The following MMP20 variants were observed in gnomAD, a reference collection of about 807,000 sequenced individuals.
MMP20 encodes the protein matrix metalloproteinase-20.
Under a neutral mutation model 51.8 loss-of-function variants are expected in MMP20, and 50 were observed. The observed-to-expected ratio is 0.97, with a 90% CI of 0.77 to 1.22. The LOEUF (loss-of-function observed/expected upper bound fraction) is 1.22. MMP20 is among the 50% of genes most tolerant of loss of function. The pLI is 0.00. For missense variants in MMP20, 663 were observed against 601.4 expected (o/e 1.10, Z -1.07); for synonymous variants, 244 against 216.2 (o/e 1.13, Z -1.13).
At chr11:102,612,994 C>G (rs1406991457) in intron 2 of MMP20, among the ~76,000 whole-genome samples, 2 of 152,122 alleles carry the variant, frequency 1.3e-5, no homozygotes, top group Non-Finnish European at 2.9e-5. Context: ...TCCTCAGCCT[C>G]CCAAAGTGCT....
At chr11:102,616,765 G>T (rs17099082) in intron 2 of MMP20, 47 bp downstream of exon 2, 44,904 of 1,608,082 alleles carry the variant, frequency 0.028, 726 homozygotes, top group Non-Finnish European at 0.031. Flanking sequence ...GGGAAAAAGA[G>T]AGAGGTGGTG....
At position 102,609,911 on chromosome 11, in the gene MMP20, T is replaced by C. The variant is rs371007401; in HGVS notation, c.643A>G (p.Thr215Ala). The change falls in exon 4 of 10, where the codon ACG (threonine) becomes GCG (alanine). Residue 215 changes from threonine to alanine, a missense_variant. Coordinates refer to ENST00000260228, the MANE Select transcript of MMP20 (RefSeq NM_004771.4). ...FDNAEKWTMG[T>A]NGFNLFTVAA... ...GTGAATTGTGCATATATACCATTCG[T>C]TCCCATAGTCCACTTCTCAGCATTG... 10 of 1,614,040 alleles carry C rather than the reference T, an allele frequency of 6.2e-6. No individual in the cohort carries two copies. The highest frequency in any genetic ancestry group is 8.5e-6 in the Non-Finnish European group (10 of 1,180,038).
chr11:102,586,879 T>C (rs1192674972), intron 8 of MMP20, among the ~76,000 whole-genome samples: 1 of 152,230 alleles, frequency 6.6e-6, no homozygotes, highest in Non-Finnish European at 1.5e-5. Context: ...CACCTTTGTT[T>C]ATTTTCTCAA....
intron 6 of MMP20, among the ~76,000 whole-genome samples, chr11:102,604,233 T>A (rs1231867936): frequency 6.6e-6 from 1 of 152,088 alleles, no homozygotes; most frequent in Non-Finnish European, 1.5e-5. Context: ...AGCCTGACAA[T>A]GATATCCCTT....
chr11:102,583,509 A>G (rs1019847616), intron 8 of MMP20: 3 of 152,194 alleles, frequency 2.0e-5, no homozygotes, highest in Admixed American at 6.5e-5. Flanking sequence ...ATCATGTTGT[A>G]TAGGTCTGTA....
intron 6 of MMP20, among the ~76,000 whole-genome samples, chr11:102,602,099 A>G (rs7932802): frequency 0.51 from 69,171 of 136,042 alleles, 17,886 homozygotes; most frequent in South Asian, 0.65. Context: ...ACAGGCGCCC[A>G]CCACCACGCC....
intron 9 of MMP20, among the ~76,000 whole-genome samples, chr11:102,578,092 A>T (rs1157264654): frequency 6.6e-6 from 1 of 152,178 alleles, no homozygotes; most frequent in Non-Finnish European, 1.5e-5. Context: ...CTATGTGTTA[A>T]ATTGCAGGAG....
At chr11:102,595,075 C>A (rs1045965969) in intron 6 of MMP20, among the ~76,000 whole-genome samples, 1 of 152,026 alleles carries the variant, frequency 6.6e-6, no homozygotes, top group Non-Finnish European at 1.5e-5. Flanking sequence ...CTGTGTGCCA[C>A]CATGCCTCAC....
chr11:102,586,490 C>T (rs1859255684), intron 8 of MMP20, among the ~76,000 whole-genome samples: 1 of 151,898 alleles, frequency 6.6e-6, no homozygotes, highest in African/African-American at 2.4e-5. Context: ...AGCAATGTCT[C>T]CTCTTTTATT....
intron 1 of MMP20, among the ~76,000 whole-genome samples, chr11:102,619,719 G>A (rs1444770229): frequency 1.3e-5 from 2 of 151,940 alleles, no homozygotes; most frequent in Non-Finnish European, 2.9e-5. Context: ...GGGACTAACA[G>A]TGGTTAAACC....
At chr11:102,613,308 T>C (rs1314122765) in intron 2 of MMP20, among the ~76,000 whole-genome samples, 3 of 152,172 alleles carry the variant, frequency 2.0e-5, no homozygotes, top group Admixed American at 2.0e-4. Context: ...GGCTGGAATA[T>C]GATGCAAAGT....
intron 9 of MMP20, among the ~76,000 whole-genome samples, chr11:102,577,817 G>A (rs1011200108): frequency 6.6e-6 from 1 of 152,146 alleles, no homozygotes; most frequent in Non-Finnish European, 1.5e-5. Flanking sequence ...TGCCGATTCT[G>A]ATATTTTAAT....
intron 6 of MMP20, among the ~76,000 whole-genome samples, chr11:102,596,387 C>G (rs1859380840): frequency 6.6e-6 from 1 of 152,188 alleles, no homozygotes; most frequent in African/African-American, 2.4e-5. Context: ...ACCAGCCTCT[C>G]CAAGCCTCAG....
At chr11:102,597,850 T>C (rs2243456) in intron 6 of MMP20, among the ~76,000 whole-genome samples, 131,547 of 152,066 alleles carry the variant, frequency 0.87, 57,084 homozygotes, top group East Asian at 0.99. Context: ...TCATGGCAAC[T>C]TCCGCCTCCT....
intron 8 of MMP20, among the ~76,000 whole-genome samples, chr11:102,581,829 C>T (rs746494821): frequency 2.6e-5 from 4 of 152,096 alleles, no homozygotes; most frequent in Non-Finnish European, 4.4e-5. Context: ...ACACAGTAAG[C>T]CAGCCATCAA....
chr11:102,587,132 G>A (rs148786755), intron 8 of MMP20, among the ~76,000 whole-genome samples: 1 of 152,014 alleles, frequency 6.6e-6, no homozygotes, highest in Non-Finnish European at 1.5e-5. Flanking sequence ...CATCTCATAA[G>A]TTCTGGTATG....
chr11:102,606,867 T>C, intron 5 of MMP20, 191 bp from the exon 6 acceptor site: 1 of 635,792 alleles, frequency 1.6e-6, no homozygotes, highest in Admixed American at 2.4e-5. Context: ...AGGCACATTA[T>C]TCAACTTTGC....
At position 102,600,736 on chromosome 11, in the gene MMP20, C is replaced by A. The variant is rs963144410; in HGVS notation, c.953+5799G>T. ...TCCTGACCTCCAGTGATCCACTCGC[C>A]GCCTCTCCCAAAGTGCTGGGATTAC... On this transcript the variant is annotated intron_variant, in intron 6 of 9. Transcript: ENST00000260228. Among the ~76,000 whole-genome samples, 9 of 152,218 alleles carry A rather than the reference C, an allele frequency of 5.9e-5. No individual in the cohort carries two copies. In the East Asian group the frequency reaches 1.2e-3, roughly 20 times the overall value.
intron 8 of MMP20, among the ~76,000 whole-genome samples, chr11:102,590,613 A>G (rs1252376513): frequency 6.6e-6 from 1 of 152,218 alleles, no homozygotes; most frequent in African/African-American, 2.4e-5. Context: ...CACATTACTT[A>G]CGTCACAGAC....
Sources: allele counts gnomAD v4.1 joint callset (sites outside exome capture counted in the v4.1 genomes callset), GRCh38; gene constraint gnomAD v4.1.1; transcripts MANE v1.5; gene names NCBI Gene and HGNC (gene_info 2026-07-23, HGNC 2026-07-21).